PHF11: variants seen among roughly 807,000 people sequenced by gnomAD.
The protein encoded by PHF11 is BRCA1 C-terminus-associated protein.
In PHF11, 38 loss-of-function variants were observed where a neutral mutation model predicts 40.5. The observed-to-expected ratio is 0.94, with a 90% CI of 0.72 to 1.23. The LOEUF (loss-of-function observed/expected upper bound fraction) is 1.23, where lower values mean the gene tolerates loss of function less well. Ranked by LOEUF, PHF11 falls within the 50% of genes most tolerant of loss-of-function variation. PHF11 has a pLI of 0.00. For missense variants in PHF11, 369 were observed against 392.4 expected (o/e 0.94, Z 0.50); for synonymous variants, 127 against 138.2 (o/e 0.92, Z 0.57).
rs563731780 is a variant in PHF11, at chr13:49,509,736, C to T, written c.216+2980C>T. Among the ~76,000 whole-genome samples the T allele has an allele frequency of 2.6e-5, 4 of 152,264 alleles. No individual in the cohort carries two copies. The South Asian group carries it at 8.3e-4, about 32-fold the overall frequency. Reference sequence around the variant, plus strand: ...AGGAGTTCCCCAAAAATCTCTCTTGCCTGCTGCCATGTAAAACATGACTTT... The same window carrying T: ...AGGAGTTCCCCAAAAATCTCTCTTGTCTGCTGCCATGTAAAACATGACTTT... On this transcript the variant is annotated intron_variant, in intron 2 of 9. Transcript: ENST00000378319.
chr13:49,518,834 A>AT (rs11402611), intron 4 of PHF11: 10,146 of 128,630 alleles, frequency 0.079, 512 homozygotes, highest in East Asian at 0.18. Context: ...TTGCTAAATA[A>AT]TTTTTTTTTT....
chr13:49,517,349 C>T (rs781090861), intron 3 of PHF11, among the ~76,000 whole-genome samples: 3 of 152,218 alleles, frequency 2.0e-5, no homozygotes, highest in Non-Finnish European at 4.4e-5. Context: ...TTCCCCTAAA[C>T]CAGTTAGGCT....
chr13:49,521,116 T>A (rs939903840), intron 5 of PHF11, 176 bp downstream of exon 5: 8 of 1,298,686 alleles, frequency 6.2e-6, no homozygotes, highest in Non-Finnish European at 2.9e-6. Flanking sequence ...GACTGACTAA[T>A]TTTTTCTTCT....
intron 1 of PHF11, among the ~76,000 whole-genome samples, chr13:49,499,900 A>T (rs182326560): frequency 6.6e-6 from 1 of 152,262 alleles, no homozygotes; most frequent in East Asian, 1.9e-4. Flanking sequence ...TGTTTCACCC[A>T]TTTCTTTAGT....
At chr13:49,505,804 C>CT (rs1346775687) in intron 1 of PHF11, among the ~76,000 whole-genome samples, 1 of 152,002 alleles carries the variant, frequency 6.6e-6, no homozygotes, top group Middle Eastern at 3.2e-3. Context: ...AAAAAAAAAT[C>CT]TACTTCCTAC....
At chr13:49,526,894 C>T (rs1018098698) in intron 9 of PHF11, among the ~76,000 whole-genome samples, 3 of 152,136 alleles carry the variant, frequency 2.0e-5, no homozygotes, top group African/African-American at 7.2e-5. Context: ...CTTCCTGCGG[C>T]TTCTCTGCTC....
chr13:49,513,020 A>G, intron 2 of PHF11, 39 bp from the exon 3 acceptor site: 2 of 967,150 alleles, frequency 2.1e-6, no homozygotes, highest in Non-Finnish European at 3.3e-6. Flanking sequence ...TTTCAATATT[A>G]CTTTGTGCAT....
At chr13:49,510,256 G>A (rs1031221349) in intron 2 of PHF11, among the ~76,000 whole-genome samples, 15 of 152,112 alleles carry the variant, frequency 9.9e-5, no homozygotes. Flanking sequence ...CAACCCCTGG[G>A]CTCAAGCAAT....
intron 6 of PHF11, 68 bp downstream of exon 6, chr13:49,522,175 T>TA: frequency 1.3e-6 from 1 of 778,432 alleles, no homozygotes; most frequent in East Asian, 2.6e-5. Context: ...CCAGTCTGAA[T>TA]GTCAGGTGAA....
intron 3 of PHF11, among the ~76,000 whole-genome samples, chr13:49,514,420 C>T (rs1266574195): frequency 6.6e-6 from 1 of 152,080 alleles, no homozygotes; most frequent in Non-Finnish European, 1.5e-5. Flanking sequence ...AGGCAGTGTA[C>T]ACAATACTGT....
At chr13:49,524,335 T>C in intron 8 of PHF11, 119 bp downstream of exon 8, 1 of 807,310 alleles carries the variant, frequency 1.2e-6, no homozygotes, top group South Asian at 1.7e-5. Flanking sequence ...TTTTTTCTTC[T>C]ATCAGCTTTT....
chr13:49,496,119 G>A (rs1471873140), intron 1 of PHF11, 24 bp downstream of exon 1: 4 of 1,157,716 alleles, frequency 3.5e-6, no homozygotes, highest in Non-Finnish European at 4.4e-6. Flanking sequence ...GGGCGGGCGG[G>A]CGGGCGGGCG....
intron 1 of PHF11, among the ~76,000 whole-genome samples, chr13:49,497,742 T>C (rs1049608233): frequency 3.3e-5 from 5 of 152,202 alleles, no homozygotes; most frequent in Non-Finnish European, 5.9e-5. Flanking sequence ...GGCCTGCAGT[T>C]TACCCCATGT....
At chr13:49,512,790 C>A (rs1032328467) in intron 2 of PHF11, among the ~76,000 whole-genome samples, 2 of 152,190 alleles carry the variant, frequency 1.3e-5, no homozygotes, top group African/African-American at 4.8e-5. Flanking sequence ...GGGGATCAGA[C>A]TGACCCAGCT....
Position 49,528,758 on chromosome 13 carries a change from A to G in PHF11, c.*93A>G. ...GTGAAATCCACACATCTTTAGAACT[A>G]GTCGTCTCCTCTTGGCCTCAGCAGC... On this transcript the variant is annotated 3_prime_UTR_variant, in exon 10 of 10. Coordinates refer to ENST00000378319, the MANE Select transcript of PHF11 (RefSeq NM_001040443.3). 1 of 856,192 alleles carries G rather than the reference A, an allele frequency of 1.2e-6. No homozygotes were observed. The highest frequency in any genetic ancestry group is 1.8e-6 in the Non-Finnish European group (1 of 546,178). The allele number at this position is 856,192 out of a possible 1,614,324, so 53.0% of individuals were successfully genotyped here.
rs1491587127 is a variant in PHF11 at position 49,501,017 on chromosome 13, G to GTTTTTTTTTTTTTTT, written c.94+4933_94+4934insTTTTTTTTTTTTTTT. On this transcript the variant is annotated intron_variant, in intron 1 of 9. Coordinates refer to ENST00000378319, the MANE Select transcript of PHF11 (RefSeq NM_001040443.3). ...CAACTTTTGTTTTTTTTTTTTTTTG[G>GTTTTTTTTTTTTTTT]TTTTTTTTTTTCTGAAATGGAGTTT... Among the ~76,000 whole-genome samples, 12 of 108,826 alleles carry GTTTTTTTTTTTTTTT rather than the reference G, an allele frequency of 1.1e-4. 3 individuals are homozygous for GTTTTTTTTTTTTTTT. The highest frequency in any genetic ancestry group is 5.0e-4 in the African/African-American group (12 of 23,968). 71.4% of individuals were successfully genotyped at this position (108,826 alleles called of 152,430 possible). A position where few individuals can be genotyped will look rare whatever the true frequency, so the allele number is the denominator to read the frequency against.
intron 2 of PHF11, among the ~76,000 whole-genome samples, chr13:49,510,012 CGTGT>C (rs148561369): frequency 6.7e-6 from 1 of 150,296 alleles, no homozygotes; most frequent in African/African-American, 2.4e-5. Context: ...GTACTAATAA[CGTGT>C]GTGTGTGTGT....
intron 1 of PHF11, among the ~76,000 whole-genome samples, chr13:49,499,643 A>C (rs146008236): frequency 2.0e-5 from 3 of 152,346 alleles, no homozygotes; most frequent in African/African-American, 7.2e-5. Context: ...GGTAATGTCT[A>C]CTGTTTTGGT....
At chr13:49,527,062 A>C (rs1047083642) in intron 9 of PHF11, 2 of 110,522 alleles carry the variant, frequency 1.8e-5, no homozygotes, top group African/African-American at 2.8e-5. Flanking sequence ...CAGAAAAAAA[A>C]AAAACAAAAA....
Sources: gnomAD v4.1 joint callset for allele counts (sites outside exome capture counted in the v4.1 genomes callset) on GRCh38, gnomAD v4.1.1 for gene constraint, MANE v1.5 for transcripts, NCBI Gene and HGNC (gene_info 2026-07-23, HGNC 2026-07-21) for gene names.